DOCK2: variants seen among roughly 807,000 people sequenced by gnomAD.
DOCK2 encodes dedicator of cytokinesis 2.
Under a neutral mutation model 248.9 loss-of-function variants are expected in DOCK2, and 87 were observed. The ratio of observed to expected loss-of-function variants is 0.35; its 90% CI spans 0.29 to 0.42. DOCK2 has a LOEUF of 0.42. DOCK2 is among the 10% of genes least tolerant of loss of function. DOCK2 has a pLI of 1.00. For synonymous variants in DOCK2, 805 were observed against 821.6 expected, an observed-to-expected ratio of 0.98 and a Z score of 0.35; for missense variants, 1,747 against 2,300.2, an observed-to-expected ratio of 0.76 and a Z score of 4.92.
intron 26 of DOCK2, among the ~76,000 whole-genome samples, chr5:169,814,512 A>C (rs1243081510): frequency 1.3e-5 from 2 of 152,152 alleles, no homozygotes; most frequent in Non-Finnish European, 2.9e-5. Context: ...GCAAAATTAG[A>C]ATAAAGGTTA....
intron 5 of DOCK2, among the ~76,000 whole-genome samples, chr5:169,672,061 C>A (rs1418558051): frequency 6.6e-6 from 1 of 151,894 alleles, no homozygotes; most frequent in East Asian, 1.9e-4. Context: ...GGCTGGAGTG[C>A]AATGGCATGA....
intron 14 of DOCK2, among the ~76,000 whole-genome samples, chr5:169,704,789 G>GTGTA (rs70979143): frequency 0.15 from 22,902 of 148,102 alleles, 1,857 homozygotes; most frequent in South Asian, 0.27. Context: ...GTGTGTGTGT[G>GTGTA]TGTGTGTGTG....
intron 27 of DOCK2, among the ~76,000 whole-genome samples, chr5:169,870,703 T>A (rs1771910964): frequency 6.6e-6 from 1 of 152,150 alleles, no homozygotes; most frequent in African/African-American, 2.4e-5. Context: ...GCTGCACCCA[T>A]TAACTCATCA....
intron 17 of DOCK2, 113 bp from the exon 18 acceptor site, chr5:169,713,915 T>G: frequency 8.2e-7 from 1 of 1,216,892 alleles, no homozygotes; most frequent in Admixed American, 2.9e-5. Flanking sequence ...GATGATTTTC[T>G]TCACTCTTTA....
intron 27 of DOCK2, among the ~76,000 whole-genome samples, chr5:169,981,485 C>T (rs1165796852): frequency 6.6e-6 from 1 of 152,328 alleles, no homozygotes. Context: ...CATCACAATT[C>T]GGAAATCCAA....
chr5:169,779,898 C>T (rs948840313), intron 25 of DOCK2, among the ~76,000 whole-genome samples: 1 of 152,140 alleles, frequency 6.6e-6, no homozygotes, highest in Admixed American at 6.5e-5. Flanking sequence ...TGGTGACTGA[C>T]TGTGGCCCCG....
In DOCK2 at chr5:169,729,491, CA is replaced by C. The variant is rs1253569540; in HGVS notation, c.2267+10701del. 2.6e-5 allele frequency among the ~76,000 whole-genome samples: 4 copies of C among 152,144 alleles called. No individual in the cohort carries two copies. The East Asian group carries it at 7.7e-4, about 29-fold the overall frequency. On this transcript the variant is annotated intron_variant, in intron 22 of 51. Coordinates refer to ENST00000520908, the MANE Select transcript of DOCK2 (RefSeq NM_004946.3). ...CCTCTACCTGGCAGATCTACTCTCC[CA>C]CATACAGGAGAGACATATAGCCTGC...
At chr5:169,935,650 T>C (rs1019350432) in intron 27 of DOCK2, among the ~76,000 whole-genome samples, 28 of 152,218 alleles carry the variant, frequency 1.8e-4, no homozygotes, top group African/African-American at 6.8e-4. Flanking sequence ...GAGGTGGTGA[T>C]GAACGTTGCC....
At chr5:169,786,269 T>A (rs1055449342) in intron 25 of DOCK2, among the ~76,000 whole-genome samples, 2 of 152,208 alleles carry the variant, frequency 1.3e-5, no homozygotes, top group Non-Finnish European at 2.9e-5. Flanking sequence ...GCTGCATGTG[T>A]ACTTAAAGTG....
At chr5:169,839,179 C>T (rs1769786190) in intron 26 of DOCK2, among the ~76,000 whole-genome samples, 2 of 152,264 alleles carry the variant, frequency 1.3e-5, no homozygotes, top group East Asian at 1.9e-4. Flanking sequence ...CCCCCATCTC[C>T]AGAGCTAAAC....
chr5:169,845,492 T>C lies in DOCK2; in HGVS notation c.2799+4640T>C, dbSNP rs80289853. 3.3e-3 allele frequency among the ~76,000 whole-genome samples: 510 copies of C among 152,324 alleles called. 6 individuals are homozygous for C. The highest frequency in any genetic ancestry group is 0.012 in the African/African-American group (497 of 41,572). On this transcript the variant is annotated intron_variant, in intron 27 of 51. Transcript: ENST00000520908. Reference sequence around the variant, plus strand: ...GGCGTGCAGTGGGTACCCAAGTTTGTTGAGCAAATGAAGGCACTAATGAAA... The same window carrying C: ...GGCGTGCAGTGGGTACCCAAGTTTGCTGAGCAAATGAAGGCACTAATGAAA...
chr5:169,957,929 C>T (rs1776932830), intron 27 of DOCK2, among the ~76,000 whole-genome samples: 1 of 152,180 alleles, frequency 6.6e-6, no homozygotes, highest in South Asian at 2.1e-4. Context: ...TGGAGGTTTC[C>T]AGTGGGAAGT....
chr5:169,915,246 T>G (rs560407354), intron 27 of DOCK2, among the ~76,000 whole-genome samples: 1 of 152,342 alleles, frequency 6.6e-6, no homozygotes, highest in Admixed American at 6.5e-5. Context: ...ATAAAGGCTG[T>G]GTAATATTTG....
At chr5:169,724,245 GCATGGTAA>G (rs969685460) in intron 22 of DOCK2, among the ~76,000 whole-genome samples, 1 of 152,180 alleles carries the variant, frequency 6.6e-6, no homozygotes, top group African/African-American at 2.4e-5. Context: ...GTGCTAGGAA[GCATGGTAA>G]CATCCCTAAG....
intron 26 of DOCK2, among the ~76,000 whole-genome samples, chr5:169,826,648 G>T (rs1434972115): frequency 6.6e-6 from 1 of 152,152 alleles, no homozygotes; most frequent in African/African-American, 2.4e-5. Flanking sequence ...ACTTGATACA[G>T]TTTCAAGGAA....
intron 22 of DOCK2, among the ~76,000 whole-genome samples, chr5:169,729,408 A>C (rs1433303212): frequency 6.6e-6 from 1 of 152,172 alleles, no homozygotes; most frequent in Admixed American, 6.5e-5. Flanking sequence ...AGGAAGATTG[A>C]AAAGGACTTC....
intron 26 of DOCK2, among the ~76,000 whole-genome samples, chr5:169,840,484 C>G (rs2113332387): frequency 6.6e-6 from 1 of 152,230 alleles, no homozygotes; most frequent in African/African-American, 2.4e-5. Flanking sequence ...CTCCAAAGTT[C>G]CTGATTCCAA....
At chr5:169,896,133 G>A (rs1208929317) in intron 27 of DOCK2, among the ~76,000 whole-genome samples, 4 of 152,050 alleles carry the variant, frequency 2.6e-5, no homozygotes, top group East Asian at 1.9e-4. Context: ...CTCCCAGAGC[G>A]TGCAGGCAGA....
chr5:169,894,716 A>G (rs1490591140), intron 27 of DOCK2, among the ~76,000 whole-genome samples: 1 of 152,224 alleles, frequency 6.6e-6, no homozygotes, highest in Non-Finnish European at 1.5e-5. Context: ...TGTGCAACAC[A>G]CAGTAGGTGC....
Sources: gnomAD v4.1 joint callset for allele counts (sites outside exome capture counted in the v4.1 genomes callset) on GRCh38, gnomAD v4.1.1 for gene constraint, MANE v1.5 for transcripts, NCBI Gene and HGNC (gene_info 2026-07-23, HGNC 2026-07-21) for gene names.